The following DSG4 variants were observed in gnomAD, a reference collection of about 807,000 sequenced individuals.
DSG4 encodes desmoglein-4.
Under a neutral mutation model 93.1 loss-of-function variants are expected in DSG4, and 87 were observed. The observed-to-expected ratio is 0.93, with a 90% CI of 0.79 to 1.12. The LOEUF (loss-of-function observed/expected upper bound fraction) is 1.12. DSG4 is among the 50% of genes most tolerant of loss of function. The pLI is 0.00. For missense variants in DSG4, 1,373 were observed against 1,285.7 expected, an observed-to-expected ratio of 1.07 and a Z score of -1.04; for synonymous variants, 432 against 452.9, an observed-to-expected ratio of 0.95 and a Z score of 0.59.
At position 31,406,241 on chromosome 18, in the gene DSG4, G is replaced by C; in HGVS notation, c.1801G>C (p.Ala601Pro). 6.2e-7 allele frequency: 1 copy of C among 1,613,364 alleles called. No individual in the cohort carries two copies. Among genetic ancestry groups the C allele is most frequent in the Non-Finnish European group, 8.5e-7 (1 of 1,179,780 alleles). Reference sequence around the variant, plus strand: ...CCACATGTGCCTGGACTCTGGTGCCGCGGGCATCTACACAGAGGACATAAC... The same window carrying C: ...CCACATGTGCCTGGACTCTGGTGCCCCGGGCATCTACACAGAGGACATAAC... ...DNHMCLDSGAAGIYTEDITGD... is the reference protein window; with the variant it reads ...DNHMCLDSGAPGIYTEDITGD... Residue 601 changes from alanine to proline, a missense_variant, in exon 12 of 16, where the codon GCG (alanine) becomes CCG (proline). Physicochemically the swap from Ala to Pro is conservative, Grantham distance 27. Coordinates refer to ENST00000308128, the MANE Select transcript of DSG4 (RefSeq NM_177986.5).
In DSG4 at chr18:31,376,846, G is replaced by T. The variant is rs142563540; in HGVS notation, c.-66G>T. ...CATATCTTTCTGTAGAGCAGAATTC[G>T]GAACTGAGAAGACGAGGGCTCAAAT... On this transcript the variant is annotated 5_prime_UTR_variant, in exon 1 of 16. Transcript: ENST00000308128. 2.6e-5 allele frequency: 41 copies of T among 1,580,134 alleles called. No individual in the cohort carries two copies. In the African/African-American group the frequency reaches 3.9e-4, roughly 15 times the overall value.
intron 15 of DSG4, 129 bp from the exon 16 acceptor site, chr18:31,412,699 G>C: frequency 2.2e-6 from 2 of 922,682 alleles, no homozygotes; most frequent in East Asian, 5.3e-5. Context: ...ATTTTAATGA[G>C]TGATTGATAC....
intron 1 of DSG4, among the ~76,000 whole-genome samples, chr18:31,384,522 A>G (rs558026251): frequency 3.3e-5 from 5 of 152,346 alleles, no homozygotes; most frequent in Middle Eastern, 3.4e-3. Context: ...TAATTCATCA[A>G]TAGAAATGTG....
intron 10 of DSG4, 119 bp from the exon 11 acceptor site, chr18:31,403,297 C>A: frequency 1.2e-6 from 1 of 860,054 alleles, no homozygotes. Context: ...AGGAACCTGT[C>A]AAGCCTCCCA....
At chr18:31,385,625 G>T (rs192558009) in intron 2 of DSG4, among the ~76,000 whole-genome samples, 70 of 152,230 alleles carry the variant, frequency 4.6e-4, no homozygotes, top group African/African-American at 1.6e-3. Context: ...TAGAGCTGCT[G>T]TCCTCTATCT....
rs755784920 is a variant in DSG4 at position 31,386,730 on chromosome 18, A to G, written c.127A>G (p.Thr43Ala). The G allele has an allele frequency of 3.1e-6, 5 of 1,613,334 alleles. No individual in the cohort carries two copies. The highest frequency in any genetic ancestry group is 4.2e-6 in the Non-Finnish European group (5 of 1,179,498). Residue 43 changes from threonine (T) to alanine (A), a missense_variant, in exon 3 of 16, where the codon ACA (threonine) becomes GCA (alanine). Thr to Ala is a moderately conservative substitution (Grantham distance 58). Transcript: ENST00000308128. ...DIENGTTKWQ[T>A]VRRQKREWIK... ...TGAAAATGGCACTACAAAATGGCAA[A>G]CAGTCAGAAGACAAAAGCGGGAGTG...
chr18:31,411,154 C>T (rs758602900), intron 14 of DSG4, 77 bp from the exon 15 acceptor site: 4 of 1,613,918 alleles, frequency 2.5e-6, no homozygotes, highest in Middle Eastern at 3.3e-4. Flanking sequence ...GCACCGCAGA[C>T]GGCGGCGGCA....
chr18:31,409,551 T>G lies in DSG4; in HGVS notation c.2033T>G (p.Met678Arg). 1 of 1,614,128 alleles carries G rather than the reference T, an allele frequency of 6.2e-7. No individual in the cohort carries two copies. The highest frequency in any genetic ancestry group is 8.5e-7 in the Non-Finnish European group (1 of 1,180,022). The stretch of plus-strand genomic sequence containing the variant: ...GTGCCTGAGGGCGGAGAAGGAGTGA[T>G]GCAGTCTTGGAGAATTGAAGGGGCC... ...APVPEGGEGV[M>R]QSWRIEGAHP... The change falls in exon 13 of 16, where the codon ATG becomes AGG. Residue 678 changes from methionine to arginine, a missense_variant. Physicochemically the swap from Met to Arg is moderately conservative, Grantham distance 91 (BLOSUM62 -1). Transcript: ENST00000308128.
At chr18:31,386,845 A>G (rs2072193946) in intron 3 of DSG4, 26 bp downstream of exon 3, 1 of 1,612,400 alleles carries the variant, frequency 6.2e-7, no homozygotes, top group African/African-American at 1.3e-5. Context: ...ATCTGATGAC[A>G]AATGCTTTTG....
Position 31,386,830 on chromosome 18 carries a change from A to G in DSG4, c.216+11A>G. ...AACCCCATTGCCAAAGTAAGTGATG[A>G]AGCAATCTGATGACAAATGCTTTTG... is the stretch of plus-strand genomic sequence containing the variant. On this transcript the variant is annotated intron_variant, in intron 3 of 15. Coordinates refer to ENST00000308128, the MANE Select transcript of DSG4 (RefSeq NM_177986.5). 6.2e-7 allele frequency: 1 copy of G among 1,612,966 alleles called. No individual in the cohort carries two copies. Among genetic ancestry groups the G allele is most frequent in the Non-Finnish European group, 8.5e-7 (1 of 1,179,116 alleles).
chr18:31,392,028 C>T, intron 7 of DSG4, 127 bp from the exon 8 acceptor site: 1 of 802,790 alleles, frequency 1.2e-6, no homozygotes, highest in Non-Finnish European at 2.0e-6. Flanking sequence ...GGACTATGGG[C>T]ATTTAATAAT....
chr18:31,385,717 TC>T (rs998441420), intron 2 of DSG4, among the ~76,000 whole-genome samples: 16 of 152,164 alleles, frequency 1.1e-4, no homozygotes, highest in African/African-American at 3.1e-4. Context: ...AGTTTTCTCA[TC>T]TTTTTGGTGA....
intron 1 of DSG4, among the ~76,000 whole-genome samples, chr18:31,384,245 A>T (rs1434486850): frequency 1.3e-5 from 2 of 152,168 alleles, no homozygotes; most frequent in African/African-American, 4.8e-5. Flanking sequence ...ATATTTAATT[A>T]TATTGCATTG....
In DSG4 at chr18:31,412,862, G is replaced by T; in HGVS notation, c.2390G>T (p.Arg797Leu). 1.2e-6 allele frequency: 2 copies of T among 1,614,094 alleles called. No homozygotes were observed. Among genetic ancestry groups the T allele is most frequent in the South Asian group, 2.2e-5 (2 of 91,036 alleles). The change falls in exon 16 of 16, where the codon CGA becomes CTA. Residue 797 changes from arginine (R) to leucine (L), a missense_variant. Transcript: ENST00000308128. ...AYAYADEDEG[R>L]PANDCLLIYD... ...GCTTATGCAGATGAAGATGAAGGTC[G>T]ACCAGCCAATGACTGCTTGCTCATT...
At chr18:31,377,054 T>A in intron 1 of DSG4, 95 bp downstream of exon 1, 1 of 1,320,468 alleles carries the variant, frequency 7.6e-7, no homozygotes, top group Non-Finnish European at 1.1e-6. Flanking sequence ...ATTCCATTTT[T>A]AATCTCCTTC....
chr18:31,402,268 G>C (rs2072376274), intron 10 of DSG4, among the ~76,000 whole-genome samples: 1 of 152,186 alleles, frequency 6.6e-6, no homozygotes, highest in African/African-American at 2.4e-5. Context: ...CCATCATCAG[G>C]TGAAGAGACA....
rs112743184 is a variant in DSG4 at position 31,411,217 on chromosome 18, T to A, written c.2138-14T>A. 2.5e-6 allele frequency: 4 copies of A among 1,614,078 alleles called. No individual in the cohort carries two copies. Reference sequence around the variant, plus strand: ...CAACTCCAGCGCTGTTAAACCAACATCCTCCCTTTTCAGAAATCTACACCA... The same window carrying A: ...CAACTCCAGCGCTGTTAAACCAACAACCTCCCTTTTCAGAAATCTACACCA... On this transcript the variant is annotated splice_polypyrimidine_tract_variant and intron_variant, in intron 14 of 15. Coordinates refer to ENST00000308128, the MANE Select transcript of DSG4 (RefSeq NM_177986.5).
intron 8 of DSG4, among the ~76,000 whole-genome samples, chr18:31,392,562 A>G (rs1433882881): frequency 1.3e-5 from 2 of 152,226 alleles, no homozygotes; most frequent in Non-Finnish European, 2.9e-5. Flanking sequence ...TTGTTCTGAC[A>G]GTGTCCAATA....
At chr18:31,385,113 T>G in intron 1 of DSG4, 23 bp from the exon 2 acceptor site, 3 of 1,596,414 alleles carry the variant, frequency 1.9e-6, no homozygotes, top group Non-Finnish European at 1.7e-6. Context: ...TTTATGCTAA[T>G]GTGGTATCTT....
Sources: gnomAD v4.1 joint callset for allele counts (sites outside exome capture counted in the v4.1 genomes callset) on GRCh38, gnomAD v4.1.1 for gene constraint, MANE v1.5 for transcripts, NCBI Gene and HGNC (gene_info 2026-07-23, HGNC 2026-07-21) for gene names.